Variants in GALNTL6 observed in about 807,000 individuals in gnomAD.
The protein encoded by GALNTL6 is polypeptide N-acetylgalactosaminyltransferase like 6, also known as polypeptide N-acetylgalactosaminyltransferase-like 6.
In GALNTL6, 46 loss-of-function variants were observed where a neutral mutation model predicts 73.7. The observed-to-expected ratio is 0.62, with a 90% CI of 0.49 to 0.80. The LOEUF (loss-of-function observed/expected upper bound fraction) is 0.80. Among genes scored for constraint, GALNTL6 ranks in the 30% least tolerant of loss-of-function variants. GALNTL6 has a pLI of 0.00. For synonymous variants in GALNTL6, 259 were observed against 263.7 expected, an observed-to-expected ratio of 0.98 and a Z score of 0.17; for missense variants, 604 against 755.0, an observed-to-expected ratio of 0.80 and a Z score of 2.34.
chr4:172,564,266 G>T (rs1736481149), intron 5 of GALNTL6, among the ~76,000 whole-genome samples: 1 of 152,072 alleles, frequency 6.6e-6, no homozygotes, highest in Non-Finnish European at 1.5e-5. Flanking sequence ...TAGTTGATTT[G>T]CCCTATGCAT....
At chr4:172,968,561 A>G (rs1750436300) in intron 10 of GALNTL6, among the ~76,000 whole-genome samples, 1 of 152,220 alleles carries the variant, frequency 6.6e-6, no homozygotes, top group Non-Finnish European at 1.5e-5. Flanking sequence ...AATCTAAAAT[A>G]TAACACTGAG....
chr4:172,657,059 A>C (rs1248832134), intron 5 of GALNTL6, among the ~76,000 whole-genome samples: 1 of 152,216 alleles, frequency 6.6e-6, no homozygotes, highest in Non-Finnish European at 1.5e-5. Flanking sequence ...GAGAAAGAGG[A>C]GGCAAGATTG....
intron 4 of GALNTL6, among the ~76,000 whole-genome samples, chr4:172,336,697 A>G (rs573252608): frequency 6.6e-6 from 1 of 152,306 alleles, no homozygotes; most frequent in South Asian, 2.1e-4. Flanking sequence ...TTCTGCATGC[A>G]GACGAGAAAA....
At chr4:172,271,574 A>G (rs916431474) in intron 3 of GALNTL6, among the ~76,000 whole-genome samples, 4 of 152,162 alleles carry the variant, frequency 2.6e-5, no homozygotes, top group African/African-American at 9.6e-5. Flanking sequence ...CTATGCATAT[A>G]TGTGCATTTA....
At chr4:172,458,756 C>G (rs1038473320) in intron 5 of GALNTL6, among the ~76,000 whole-genome samples, 1 of 152,134 alleles carries the variant, frequency 6.6e-6, no homozygotes, top group Non-Finnish European at 1.5e-5. Context: ...CAGGACCAGA[C>G]AGATTCACAG....
At chr4:172,385,561 T>C (rs1471975741) in intron 5 of GALNTL6, among the ~76,000 whole-genome samples, 3 of 152,082 alleles carry the variant, frequency 2.0e-5, no homozygotes, top group African/African-American at 7.2e-5. Flanking sequence ...ATTTTTGTTT[T>C]ACAATCTATT....
chr4:172,652,071 G>T (rs2041718679), intron 5 of GALNTL6, among the ~76,000 whole-genome samples: 1 of 152,178 alleles, frequency 6.6e-6, no homozygotes, highest in Non-Finnish European at 1.5e-5. Flanking sequence ...TCCATAAAAT[G>T]CAGTGTTTAG....
rs535589117 is a variant in GALNTL6, at chr4:172,544,310, T to G, written c.553+195621T>G. On this transcript the variant is annotated intron_variant, in intron 5 of 12. Coordinates refer to ENST00000506823, the MANE Select transcript of GALNTL6 (RefSeq NM_001034845.3). ...ATATACTAATTTCATGCCATGATTT[T>G]ACTTACACAAGATTGGCTTCGTGGT... Among the ~76,000 whole-genome samples the G allele has an allele frequency of 3.3e-5, 5 of 152,340 alleles. No homozygotes were observed. In the South Asian group the frequency reaches 1.0e-3, roughly 32 times the overall value.
intron 7 of GALNTL6, among the ~76,000 whole-genome samples, chr4:172,846,952 C>G (rs949505001): frequency 4.6e-5 from 7 of 152,108 alleles, no homozygotes; most frequent in Admixed American, 3.3e-4. Flanking sequence ...CGTCCTCGCT[C>G]TCTTTCTCTC....
chr4:171,947,267 A>C (rs965096690), intron 2 of GALNTL6, among the ~76,000 whole-genome samples: 4 of 152,054 alleles, frequency 2.6e-5, no homozygotes, highest in Non-Finnish European at 4.4e-5. Flanking sequence ...ATTTTTAACA[A>C]AAATTTCACG....
At chr4:172,526,482 A>C (rs1305823677) in intron 5 of GALNTL6, among the ~76,000 whole-genome samples, 1 of 152,164 alleles carries the variant, frequency 6.6e-6, no homozygotes, top group Non-Finnish European at 1.5e-5. Context: ...TCCAGTCTTT[A>C]CTTTTCAATA....
rs138173995 is a variant in GALNTL6 at position 172,978,286 on chromosome 4, G to A, written c.1371+26028G>A. 3.4e-3 allele frequency among the ~76,000 whole-genome samples: 512 copies of A among 152,242 alleles called. 1 individual carries two copies. Among genetic ancestry groups the A allele is most frequent in the African/African-American group, 0.011 (449 of 41,550 alleles). ...TCTTGGGTTGACTGTATAGTCCCAC[G>A]GTTGCCGAGTCCCAAGAACATGGTT... On this transcript the variant is annotated intron_variant, in intron 10 of 12. Transcript: ENST00000506823.
intron 5 of GALNTL6, among the ~76,000 whole-genome samples, chr4:172,445,127 A>C (rs1271952814): frequency 6.6e-6 from 1 of 152,300 alleles, no homozygotes; most frequent in African/African-American, 2.4e-5. Context: ...TTTTTGTCCC[A>C]CTAGAGACAT....
chr4:172,434,889 A>T (rs1449731191), intron 5 of GALNTL6, among the ~76,000 whole-genome samples: 3 of 152,074 alleles, frequency 2.0e-5, no homozygotes, highest in African/African-American at 7.2e-5. Context: ...TTTCACGTCT[A>T]TATTTTTTCT....
intron 2 of GALNTL6, among the ~76,000 whole-genome samples, chr4:171,937,247 A>C (rs1482032752): frequency 6.6e-6 from 1 of 152,020 alleles, no homozygotes; most frequent in Non-Finnish European, 1.5e-5. Flanking sequence ...AATGACATTG[A>C]ATTTTTAATA....
chr4:171,900,439 C>T lies in GALNTL6; in HGVS notation c.138+85721C>T, dbSNP rs191454825. Among the ~76,000 whole-genome samples the T allele has an allele frequency of 1.4e-3, 219 of 151,862 alleles. 1 individual carries two copies. Among genetic ancestry groups the T allele is most frequent in the Admixed American group, 9.6e-3 (147 of 15,252 alleles). On this transcript the variant is annotated intron_variant, in intron 2 of 12. Transcript: ENST00000506823. ...TTTCCTGCCTCAGCTTCCCAAGTAG[C>T]TGGGACTACAGGTGTGTGCCACCAC...
At chr4:172,151,970 CTATCTATCTATCT>C (rs1344031535) in intron 2 of GALNTL6, among the ~76,000 whole-genome samples, 1 of 150,086 alleles carries the variant, frequency 6.7e-6, no homozygotes, top group African/African-American at 2.4e-5. Flanking sequence ...ATCTATCTAT[CTATCTATCTATCT>C]ATCTATGTTT....
At chr4:172,297,325 A>G (rs567396053) in intron 3 of GALNTL6, among the ~76,000 whole-genome samples, 90 of 152,130 alleles carry the variant, frequency 5.9e-4, no homozygotes, top group African/African-American at 2.1e-3. Context: ...CTCTGATGGT[A>G]GATTCTTTTG....
chr4:172,199,346 T>C (rs1354349292), intron 2 of GALNTL6, among the ~76,000 whole-genome samples: 1 of 152,228 alleles, frequency 6.6e-6, no homozygotes, highest in Non-Finnish European at 1.5e-5. Context: ...CAGTAAATTT[T>C]AGCAGTTATT....
Sources: gnomAD v4.1 joint callset for allele counts (sites outside exome capture counted in the v4.1 genomes callset) on GRCh38, gnomAD v4.1.1 for gene constraint, MANE v1.5 for transcripts, NCBI Gene and HGNC (gene_info 2026-07-23, HGNC 2026-07-21) for gene names.